The following ENOX1 variants were observed in gnomAD, a reference collection of about 807,000 sequenced individuals.
ENOX1 encodes the protein candidate growth-related and time keeping constitutive hydroquinone (NADH) oxidase.
In ENOX1, 42 loss-of-function variants were observed where a neutral mutation model predicts 82.5. The ratio of observed to expected loss-of-function variants is 0.51; its 90% CI spans 0.40 to 0.66. ENOX1 has a LOEUF of 0.66. Among genes scored for constraint, ENOX1 ranks in the 30% least tolerant of loss-of-function variants. The pLI is 0.00. For synonymous variants in ENOX1, 271 were observed against 282.2 expected (o/e 0.96, Z 0.40); for missense variants, 608 against 811.6 (o/e 0.75, Z 3.05).
In ENOX1 at chr13:43,213,135, T is replaced by TAGA. The variant is rs1302261869; in HGVS notation, c.*852_*854dup. 1.4e-4 allele frequency among the ~76,000 whole-genome samples: 22 copies of TAGA among 152,260 alleles called. No homozygotes were observed. Among genetic ancestry groups the TAGA allele is most frequent in the African/African-American group, 5.1e-4 (21 of 41,572 alleles). ...AGAATAATTTGTAAAACCAATATGGTAGAAGTCATATTTATTGAAAAAAAT... is the reference window on the plus strand; with the variant it reads ...AGAATAATTTGTAAAACCAATATGGTAGAAGAAGTCATATTTATTGAAAAAAAT... On this transcript the variant is annotated 3_prime_UTR_variant, in exon 17 of 17. Coordinates refer to ENST00000690772, the MANE Select transcript of ENOX1 (RefSeq NM_001347969.2).
intron 2 of ENOX1, among the ~76,000 whole-genome samples, chr13:43,655,960 C>T (rs1189287310): frequency 1.3e-5 from 2 of 152,170 alleles, no homozygotes; most frequent in African/African-American, 4.8e-5. Flanking sequence ...TGGGGCAAAA[C>T]GGTAGTAACA....
At chr13:43,660,986 A>G (rs956299786) in intron 2 of ENOX1, among the ~76,000 whole-genome samples, 1 of 152,206 alleles carries the variant, frequency 6.6e-6, no homozygotes, top group East Asian at 1.9e-4. Context: ...ATGTTGAAAC[A>G]ATTTTTTAAA....
intron 5 of ENOX1, among the ~76,000 whole-genome samples, chr13:43,397,074 C>T (rs554684066): frequency 1.8e-4 from 28 of 152,324 alleles, no homozygotes; most frequent in Middle Eastern, 3.4e-3. Context: ...GTGAGGCCTG[C>T]GGCACACTGG....
rs114681546 is a variant in ENOX1 at position 43,349,088 on chromosome 13, C to T, written c.824-4338G>A. Among the ~76,000 whole-genome samples, 671 of 152,190 alleles carry T rather than the reference C, an allele frequency of 4.4e-3. 6 individuals carry two copies. The highest frequency in any genetic ancestry group is 0.015 in the African/African-American group (615 of 41,514). The stretch of plus-strand genomic sequence containing the variant: ...TGTAGCAATTAATACTGGAAAGATA[C>T]AAATGTAATGGTTAAAAGTTAGGAA... On this transcript the variant is annotated intron_variant, in intron 8 of 16. Transcript: ENST00000690772.
chr13:43,550,018 A>G (rs889013206), intron 2 of ENOX1, among the ~76,000 whole-genome samples: 2 of 152,230 alleles, frequency 1.3e-5, no homozygotes, highest in African/African-American at 4.8e-5. Context: ...ACCTCAGATC[A>G]TAAGGCATCA....
At chr13:43,392,926 C>G (rs1028076586) in intron 5 of ENOX1, among the ~76,000 whole-genome samples, 2 of 151,980 alleles carry the variant, frequency 1.3e-5, no homozygotes, top group African/African-American at 4.8e-5. Flanking sequence ...GTGTTCTTTT[C>G]TCTGTGTTCA....
chr13:43,565,819 GA>G (rs1466186097), intron 2 of ENOX1, among the ~76,000 whole-genome samples: 7 of 152,030 alleles, frequency 4.6e-5, no homozygotes, highest in Non-Finnish European at 8.8e-5. Context: ...AACCTTTTAA[GA>G]TTTATGTTAA....
chr13:43,341,829 T>G (rs2049083131), intron 9 of ENOX1, among the ~76,000 whole-genome samples: 1 of 152,178 alleles, frequency 6.6e-6, no homozygotes, highest in South Asian at 2.1e-4. Context: ...AAATTATATT[T>G]CTCGCATTCT....
At chr13:43,392,416 C>T (rs1040597094) in intron 5 of ENOX1, among the ~76,000 whole-genome samples, 4 of 152,306 alleles carry the variant, frequency 2.6e-5, no homozygotes, top group Admixed American at 6.5e-5. Flanking sequence ...CACTGGCTCA[C>T]GCCTGTAATC....
At chr13:43,375,303 T>C (rs2051545211) in intron 5 of ENOX1, among the ~76,000 whole-genome samples, 1 of 152,134 alleles carries the variant, frequency 6.6e-6, no homozygotes. Context: ...TATGTATGTG[T>C]CTATCCTCGA....
intron 2 of ENOX1, among the ~76,000 whole-genome samples, chr13:43,620,865 T>C (rs1053670040): frequency 6.6e-6 from 1 of 152,182 alleles, no homozygotes; most frequent in Non-Finnish European, 1.5e-5. Context: ...CACACTATTA[T>C]TGTGTTGTTG....
intron 1 of ENOX1, among the ~76,000 whole-genome samples, chr13:43,759,794 AG>A (rs1329778461): frequency 6.6e-6 from 1 of 152,242 alleles, no homozygotes; most frequent in Non-Finnish European, 1.5e-5. Flanking sequence ...GTCTTAATCC[AG>A]CCAGACTACA....
chr13:43,773,790 T>A (rs1194905430), intron 1 of ENOX1, among the ~76,000 whole-genome samples: 1 of 152,194 alleles, frequency 6.6e-6, no homozygotes, highest in Non-Finnish European at 1.5e-5. Context: ...AACTGTAGAC[T>A]CCCAAGACAG....
intron 14 of ENOX1, among the ~76,000 whole-genome samples, chr13:43,247,852 TATATATATATATATATATATATATATATA>T (rs1566328894): frequency 0.03 from 84 of 2,820 alleles, 6 homozygotes; most frequent in African/African-American, 0.041. Flanking sequence ...TATATATATA[TATATATATATATATATATATATATATATA>T]TATTTTTTTT....
In ENOX1 at chr13:43,411,859, G is replaced by T. The variant is rs2153598813; in HGVS notation, c.208+57C>A. ...GGTACAGAGAGATTACCAGGCACCTGTCACCTACACCCTTCGGCACTGCTG... is the reference window on the plus strand; with the variant it reads ...GGTACAGAGAGATTACCAGGCACCTTTCACCTACACCCTTCGGCACTGCTG... On this transcript the variant is annotated intron_variant, in intron 5 of 16. Coordinates refer to ENST00000690772, the MANE Select transcript of ENOX1 (RefSeq NM_001347969.2). 3 of 1,596,462 alleles carry T rather than the reference G, an allele frequency of 1.9e-6. No homozygotes were observed. In the South Asian group the frequency reaches 3.3e-5, roughly 18 times the overall value.
At chr13:43,403,026 A>G (rs1441343531) in intron 5 of ENOX1, among the ~76,000 whole-genome samples, 2 of 152,090 alleles carry the variant, frequency 1.3e-5, no homozygotes, top group Non-Finnish European at 2.9e-5. Flanking sequence ...ATACACATAC[A>G]AAAATTATAT....
intron 2 of ENOX1, chr13:43,548,048 G>A (rs2079042229): frequency 6.6e-6 from 1 of 152,176 alleles, no homozygotes; most frequent in Non-Finnish European, 1.5e-5. Context: ...GACTTTCTAT[G>A]ACTAGAATTT....
chr13:43,687,807 G>A (rs966190241), intron 1 of ENOX1, among the ~76,000 whole-genome samples: 1 of 152,058 alleles, frequency 6.6e-6, no homozygotes, highest in African/African-American at 2.4e-5. Flanking sequence ...AATGACAGAT[G>A]AAGCACAGGG....
intron 3 of ENOX1, among the ~76,000 whole-genome samples, chr13:43,447,974 G>T (rs986133950): frequency 3.3e-5 from 5 of 152,186 alleles, no homozygotes; most frequent in Non-Finnish European, 7.3e-5. Flanking sequence ...CCTAGCCGTG[G>T]TTCCTGACAA....
Sources: gnomAD v4.1 joint callset for allele counts (sites outside exome capture counted in the v4.1 genomes callset) on GRCh38, gnomAD v4.1.1 for gene constraint, MANE v1.5 for transcripts, NCBI Gene and HGNC (gene_info 2026-07-23, HGNC 2026-07-21) for gene names.